The following YES1 variants were observed in gnomAD, a reference collection of about 807,000 sequenced individuals.
YES1 encodes the protein YES proto-oncogene 1, Src family tyrosine kinase.
Under a neutral mutation model 70.4 loss-of-function variants are expected in YES1, and 39 were observed. That is an observed-to-expected ratio of 0.55 (90% CI 0.43 to 0.72). The LOEUF (loss-of-function observed/expected upper bound fraction) is 0.72. Ranked by LOEUF, YES1 falls within the 30% of genes least tolerant of loss-of-function variation. The probability of loss-of-function intolerance (pLI) is 0.00; values close to 1 mark genes in which losing one functional copy is unlikely to be tolerated. For synonymous variants in YES1, 198 were observed against 218.6 expected (o/e 0.91, Z 0.83); for missense variants, 495 against 644.8 (o/e 0.77, Z 2.52).
chr18:768,274 C>A (rs1904999780), intron 1 of YES1, among the ~76,000 whole-genome samples: 1 of 152,174 alleles, frequency 6.6e-6, no homozygotes, highest in Non-Finnish European at 1.5e-5. Context: ...AAAATCTCTA[C>A]AAATTTTAAT....
At chr18:756,176 C>T (rs547460372) in intron 2 of YES1, among the ~76,000 whole-genome samples, 1 of 152,028 alleles carries the variant, frequency 6.6e-6, no homozygotes, top group African/African-American at 2.4e-5. Context: ...ATTAAGTAAC[C>T]ACTATAAGAC....
At chr18:735,925 C>T (rs1649019225) in intron 10 of YES1, 1 of 152,380 alleles carries the variant, frequency 6.6e-6, no homozygotes, top group Admixed American at 6.5e-5. Flanking sequence ...CATTTTAGCA[C>T]TTTGGGAAGC....
intron 1 of YES1, among the ~76,000 whole-genome samples, chr18:792,687 G>A (rs926611237): frequency 6.6e-6 from 1 of 152,016 alleles, no homozygotes; most frequent in African/African-American, 2.4e-5. Context: ...GCAGCCATGT[G>A]CAGTGGCTCA....
intron 1 of YES1, among the ~76,000 whole-genome samples, chr18:783,804 G>A (rs867136694): frequency 2.0e-5 from 3 of 151,962 alleles, no homozygotes; most frequent in Non-Finnish European, 2.9e-5. Flanking sequence ...TAGTAGAAAC[G>A]GGTTTCACCA....
chr18:726,598 G>A (rs1055994422), intron 11 of YES1, among the ~76,000 whole-genome samples: 4 of 151,368 alleles, frequency 2.6e-5, no homozygotes, highest in African/African-American at 7.3e-5. Context: ...TGGCCAACAT[G>A]GCGAAACCCC....
At chr18:730,444 A>C (rs1307552650) in intron 11 of YES1, among the ~76,000 whole-genome samples, 6 of 151,240 alleles carry the variant, frequency 4.0e-5, no homozygotes, top group Non-Finnish European at 8.8e-5. Flanking sequence ...TCCTGGGCTC[A>C]AGCGATCCAC....
At chr18:764,318 A>G (rs926338901) in intron 1 of YES1, among the ~76,000 whole-genome samples, 9 of 152,102 alleles carry the variant, frequency 5.9e-5, no homozygotes, top group East Asian at 1.9e-4. Flanking sequence ...TGCCTCCTGG[A>G]TTCAAGTGAT....
chr18:792,734 G>C (rs771458469), intron 1 of YES1, among the ~76,000 whole-genome samples: 3 of 152,040 alleles, frequency 2.0e-5, no homozygotes, highest in African/African-American at 7.3e-5. Flanking sequence ...GCTGAGAAGG[G>C]AGGATTGCTT....
intron 10 of YES1, among the ~76,000 whole-genome samples, chr18:734,537 CAG>C (rs2080129653): frequency 6.6e-6 from 1 of 152,014 alleles, no homozygotes; most frequent in African/African-American, 2.4e-5. Flanking sequence ...GCCTGGGTGA[CAG>C]AGTGAGACTC....
At chr18:812,243 G>C (rs1196295890), upstream of YES1, 1 of 151,866 alleles carries the variant, frequency 6.6e-6, no homozygotes, top group Non-Finnish European at 1.5e-5. Context: ...CAGCAACGAC[G>C]GCAGAGCCGG....
chr18:753,392 CCTAT>C (rs1008040759), intron 2 of YES1, among the ~76,000 whole-genome samples: 1 of 152,174 alleles, frequency 6.6e-6, no homozygotes, highest in Non-Finnish European at 1.5e-5. Flanking sequence ...ACTTACTCCT[CCTAT>C]CTAAATTTTG....
At chr18:732,445 A>AC (rs2080102555) in intron 11 of YES1, among the ~76,000 whole-genome samples, 1 of 144,952 alleles carries the variant, frequency 6.9e-6, no homozygotes, top group Admixed American at 7.1e-5. Flanking sequence ...TAAAAAAAAA[A>AC]AAAAAAAAAA....
intron 1 of YES1, among the ~76,000 whole-genome samples, chr18:773,026 G>A (rs1029718809): frequency 3.3e-5 from 5 of 152,188 alleles, no homozygotes; most frequent in Admixed American, 1.3e-4. Context: ...CTGTGGACTA[G>A]AAGGTACTAT....
intron 1 of YES1, among the ~76,000 whole-genome samples, chr18:767,474 G>A (rs1013424322): frequency 2.0e-5 from 3 of 151,826 alleles, no homozygotes; most frequent in East Asian, 1.9e-4. Context: ...TTTAAAACTC[G>A]ATATCTAGTT....
chr18:737,712 G>GT (rs1379273427), intron 9 of YES1, among the ~76,000 whole-genome samples: 3 of 152,170 alleles, frequency 2.0e-5, no homozygotes, highest in Non-Finnish European at 4.4e-5. Flanking sequence ...AACTAAAACT[G>GT]TTTTTTACAT....
chr18:804,770 C>G (rs776317294), intron 1 of YES1, among the ~76,000 whole-genome samples: 79 of 147,796 alleles, frequency 5.3e-4, no homozygotes, highest in Non-Finnish European at 9.3e-4. Flanking sequence ...AAAAATTAGC[C>G]GGGTGTGGTG....
At chr18:739,506 G>C (rs1255967613) in intron 9 of YES1, 5 of 360,222 alleles carry the variant, frequency 1.4e-5, no homozygotes, top group Non-Finnish European at 2.5e-5. Flanking sequence ...AGGAGGCTGA[G>C]GCGAGAGGAT....
chr18:810,972 T>C (rs1907346257), intron 1 of YES1, among the ~76,000 whole-genome samples: 1 of 152,226 alleles, frequency 6.6e-6, no homozygotes, highest in Non-Finnish European at 1.5e-5. Context: ...ATATTAGATT[T>C]ACCATGCACT....
At chr18:788,643 G>C (rs958583946) in intron 1 of YES1, among the ~76,000 whole-genome samples, 1 of 152,196 alleles carries the variant, frequency 6.6e-6, no homozygotes, top group Non-Finnish European at 1.5e-5. Flanking sequence ...TTAGGGATAG[G>C]TGCAGTGGCT....
Sources: allele counts gnomAD v4.1 joint callset (sites outside exome capture counted in the v4.1 genomes callset), GRCh38; gene constraint gnomAD v4.1.1; transcripts MANE v1.5; gene names NCBI Gene and HGNC (gene_info 2026-07-23, HGNC 2026-07-21).